Variants in ABHD17A observed in about 807,000 individuals in gnomAD.
ABHD17A encodes the protein alpha/beta hydrolase domain-containing protein 17A.
Under a neutral mutation model 26.8 loss-of-function variants are expected in ABHD17A, and 10 were observed. The ratio of observed to expected loss-of-function variants is 0.37; its 90% confidence interval spans 0.23 to 0.63. The LOEUF is 0.63. ABHD17A is among the 30% of genes least tolerant of loss of function. The probability of loss-of-function intolerance (pLI) is 0.61; values close to 1 mark genes in which losing one functional copy is unlikely to be tolerated. For synonymous variants in ABHD17A, 167 were observed against 210.9 expected, an observed-to-expected ratio of 0.79 and a Z score of 1.80; for missense variants, 292 against 457.3, an observed-to-expected ratio of 0.64 and a Z score of 3.30.
In ABHD17A at chr19:1,880,221, T is replaced by A; in HGVS notation, c.333-106A>T. ...CACCCCGGTGGCCAGCCATGCCCAG[T>A]GCCTCATTTACTCCCCTCCCAAGGG... On this transcript the variant is annotated intron_variant, in intron 2 of 4. Coordinates refer to ENST00000292577, the MANE Select transcript of ABHD17A (RefSeq NM_001130111.2). This position sits in a 1 kb window ranked among gnomAD's most constrained non-coding sequence, Gnocchi z 4.1. 8.1e-7 allele frequency: 1 copy of A among 1,227,824 alleles called. No individual in the cohort carries two copies. The highest frequency in any genetic ancestry group is 2.1e-5 in the Admixed American group (1 of 47,332). The allele number at this position is 1,227,824 out of a possible 1,614,324, so 76.1% of individuals were successfully genotyped here.
chr19:1,879,719 C>A lies in ABHD17A; in HGVS notation c.527+202G>T. The stretch of plus-strand genomic sequence containing the variant: ...CTCCACAGGCCAGGGTGTGGGAGGA[C>A]CGCCTGGCCACACCTCAGCCATGTG... On this transcript the variant is annotated intron_variant, in intron 3 of 4. Transcript: ENST00000292577. The surrounding 1 kb of genome is among the most constrained non-coding windows in gnomAD (Gnocchi z 7.6). 1.7e-6 allele frequency: 1 copy of A among 593,604 alleles called. No individual in the cohort carries two copies. 36.8% of individuals were successfully genotyped at this position (593,604 alleles called of 1,614,324 possible).
Position 1,877,047 on chromosome 19 carries a change from C to A in ABHD17A, c.*153G>T, listed in dbSNP as rs1406084688. On this transcript the variant is annotated 3_prime_UTR_variant, in exon 5 of 5. Transcript: ENST00000292577. ...CTTCCAAAAGGAAAGGAGTGCGTAG[C>A]TCTGTTGCCTGTACATCGTCCACAG... 2 of 600,472 alleles carry A rather than the reference C, an allele frequency of 3.3e-6. No homozygotes were observed. The highest frequency in any genetic ancestry group is 1.9e-5 in the African/African-American group (1 of 53,466). The allele number at this position is 600,472 out of a possible 1,614,324, so 37.2% of individuals were successfully genotyped here. A position where few individuals can be genotyped will look rare whatever the true frequency, so the allele number is the denominator to read the frequency against.
In ABHD17A at chr19:1,877,351, G is replaced by A; in HGVS notation, c.782C>T (p.Ser261Leu). 5 of 1,542,936 alleles carry A rather than the reference G, an allele frequency of 3.2e-6. No homozygotes were observed. Among genetic ancestry groups the A allele is most frequent in the South Asian group, 1.2e-5 (1 of 85,256 alleles). The change falls in exon 5 of 5, where the codon TCG (serine) becomes TTG (leucine). Residue 261 changes from serine (S) to leucine (L), a missense_variant. By Grantham distance (145) the Ser-to-Leu change is moderately radical. Around this residue, in one of 4 missense-constraint regions of ABHD17A, gnomAD observed 88 missense variants for 134.3 expected, o/e 0.66. Transcript: ENST00000292577. Reference protein sequence around the residue: ...HGTEDEVIDFSHGLALYERCP... With the variant: ...HGTEDEVIDFLHGLALYERCP... ...GCGCTCGTAGAGCGCCAGCCCGTGC[G>A]AGAAGTCGATCACCTCGTCCTCCGT...
rs764973504 is a variant in ABHD17A at position 1,880,983 on chromosome 19, T to A, written c.332+252A>T. On this transcript the variant is annotated intron_variant, in intron 2 of 4. Transcript: ENST00000292577. The surrounding 1 kb of genome is among the most constrained non-coding windows in gnomAD (Gnocchi z 4.1). The stretch of plus-strand genomic sequence containing the variant: ...CAGGCAACCACCAGGCGCTGGGTTG[T>A]TGGAGTCGCCCAGCCTGCCCACCCA... The A allele has an allele frequency of 6.2e-7, 1 of 1,612,448 alleles. No homozygotes were observed.
chr19:1,880,351 C>T lies in ABHD17A; in HGVS notation c.333-236G>A, dbSNP rs2012488679. On this transcript the variant is annotated intron_variant, in intron 2 of 4. Transcript: ENST00000292577. This position sits in a 1 kb window ranked among gnomAD's most constrained non-coding sequence, Gnocchi z 4.1. The stretch of plus-strand genomic sequence containing the variant: ...GGACAGCTGGCAGGGGGACAGGCAG[C>T]CTGGGCTGCAGAGGCCAGCCAGGGA... 6.6e-6 allele frequency among the ~76,000 whole-genome samples: 1 copy of T among 152,176 alleles called. No individual in the cohort carries two copies. Among genetic ancestry groups the T allele is most frequent in the Non-Finnish European group, 1.5e-5 (1 of 68,010 alleles).
In ABHD17A at chr19:1,881,407, C is replaced by T; in HGVS notation, c.160G>A (p.Gly54Arg). ...GPGGAGAAPL[G>R]TLRASSGAPG... ...GCGCCCGAGGAGGCTCTCAGGGTCC[C>T]CAAGGGGGCGGCCCCGGCCCCACCA... Residue 54 changes from glycine (G) to arginine (R), a missense_variant, in exon 2 of 5, where the codon GGG (glycine) becomes AGG (arginine). By Grantham distance (125) the Gly-to-Arg change is moderately radical. Transcript: ENST00000292577. 1 of 1,603,676 alleles carries T rather than the reference C, an allele frequency of 6.2e-7. No homozygotes were observed.
Position 1,877,341 on chromosome 19 carries a change from C to A in ABHD17A, c.792G>T (p.Leu264=). 1 of 1,536,580 alleles carries A rather than the reference C, an allele frequency of 6.5e-7. No individual in the cohort carries two copies. Among genetic ancestry groups the A allele is most frequent in the Non-Finnish European group, 8.7e-7 (1 of 1,147,696 alleles). Residue 264 remains leucine, a synonymous_variant, in exon 5 of 5, where the codon CTG becomes CTT. Transcript: ENST00000292577. The part of the protein sequence containing the change: ...EDEVIDFSHG[L]ALYERCPKAV... ...CCTTGGGGCAGCGCTCGTAGAGCGC[C>A]AGCCCGTGCGAGAAGTCGATCACCT...
In ABHD17A at chr19:1,877,481, G is replaced by T. The variant is rs1006459704; in HGVS notation, c.707+27C>A. Reference sequence around the variant, plus strand: ...TCGCGCCCGGCCCGGGCCCCGCCCCGCCCCCGTCCCCGCCCGGGCCGCTCA... The same window carrying T: ...TCGCGCCCGGCCCGGGCCCCGCCCCTCCCCCGTCCCCGCCCGGGCCGCTCA... On this transcript the variant is annotated intron_variant, in intron 4 of 4. Coordinates refer to ENST00000292577, the MANE Select transcript of ABHD17A (RefSeq NM_001130111.2). 6 of 1,580,026 alleles carry T rather than the reference G, an allele frequency of 3.8e-6. No homozygotes were observed. The African/African-American group carries it at 6.7e-5, about 18-fold the overall frequency.
At chr19:1,884,625 G>C (rs981438547) in intron 1 of ABHD17A, among the ~76,000 whole-genome samples, 3 of 152,142 alleles carry the variant, frequency 2.0e-5, no homozygotes, top group African/African-American at 4.8e-5. Flanking sequence ...GGCCATATCA[G>C]AGGGCAGACA....
In ABHD17A at chr19:1,879,959, A is replaced by G. The variant is rs1197168051; in HGVS notation, c.489T>C (p.Tyr163=). ...SSGRPSERNL[Y]ADIDAAWQAL... Reference sequence around the variant, plus strand: ...CCTGCCAGGCGGCGTCGATGTCGGCATAGAGGTTCCTCTCGGAAGGCCTGC... The same window carrying G: ...CCTGCCAGGCGGCGTCGATGTCGGCGTAGAGGTTCCTCTCGGAAGGCCTGC... The change falls in exon 3 of 5, where the codon TAT becomes TAC. Residue 163 remains tyrosine (Y), a synonymous_variant. Transcript: ENST00000292577. This position sits in a 1 kb window ranked among gnomAD's most constrained non-coding sequence, Gnocchi z 7.6. 5.6e-6 allele frequency: 9 copies of G among 1,612,872 alleles called. No individual in the cohort carries two copies. The highest frequency in any genetic ancestry group is 6.8e-6 in the Non-Finnish European group (8 of 1,179,954).
chr19:1,883,932 C>T (rs1322914772), intron 1 of ABHD17A: 4 of 152,742 alleles, frequency 2.6e-5, no homozygotes, highest in Non-Finnish European at 4.4e-5. Flanking sequence ...TCCAGACTCA[C>T]TCATCTCACA....
Position 1,880,127 on chromosome 19 carries a change from C to T in ABHD17A, c.333-12G>A, listed in dbSNP as rs2012482122. 4 of 1,612,320 alleles carry T rather than the reference C, an allele frequency of 2.5e-6. No homozygotes were observed. Among genetic ancestry groups the T allele is most frequent in the African/African-American group, 1.3e-5 (1 of 74,912 alleles). On this transcript the variant is annotated splice_polypyrimidine_tract_variant and intron_variant, in intron 2 of 4. Coordinates refer to ENST00000292577, the MANE Select transcript of ABHD17A (RefSeq NM_001130111.2). The surrounding 1 kb of genome is among the most constrained non-coding windows in gnomAD (Gnocchi z 4.1). Reference sequence around the variant, plus strand: ...AGAGGACCGTGTACCTGGGACAGGCCGAGAAGGGCCGTTCACATCCTCGCT... The same window carrying T: ...AGAGGACCGTGTACCTGGGACAGGCTGAGAAGGGCCGTTCACATCCTCGCT...
At chr19:1,881,190 C>G in intron 2 of ABHD17A, 45 bp downstream of exon 2, 1 of 1,607,348 alleles carries the variant, frequency 6.2e-7, no homozygotes, top group Non-Finnish European at 8.5e-7. Flanking sequence ...AACGGGAGCC[C>G]CAAGAACAGG....
chr19:1,880,782 G>A lies in ABHD17A; in HGVS notation c.332+453C>T. ...CTGCCCCAGGTGGTGCCAGGAGCAG[G>A]TGGCCAGGCTGGCCCTGCCATGGAC... On this transcript the variant is annotated intron_variant, in intron 2 of 4. Transcript: ENST00000292577. This position sits in a 1 kb window ranked among gnomAD's most constrained non-coding sequence, Gnocchi z 4.1. 4.1e-6 allele frequency: 6 copies of A among 1,460,788 alleles called. No homozygotes were observed. Among genetic ancestry groups the A allele is most frequent in the Non-Finnish European group, 5.6e-6 (6 of 1,080,142 alleles). 90.5% of individuals were successfully genotyped at this position (1,460,788 alleles called of 1,614,324 possible). A position where few individuals can be genotyped will look rare whatever the true frequency, so the allele number is the denominator to read the frequency against.
In ABHD17A at chr19:1,881,513, G is replaced by A. The variant is rs770366998; in HGVS notation, c.54C>T (p.Cys18=). The stretch of plus-strand genomic sequence containing the variant: ...CGAGCTTGGCAGCGATGCGGCCGGG[G>A]CAGGGCGGGCAGCAGAAGAGGCAGC... ...ELCCLFCCPP[C]PGRIAAKLAF... is the part of the protein sequence containing the mutation. The change falls in exon 2 of 5, where the codon TGC becomes TGT. Residue 18 remains cysteine (C), a synonymous_variant. Transcript: ENST00000292577. 1.4e-5 allele frequency: 23 copies of A among 1,604,002 alleles called. No individual in the cohort carries two copies. Among genetic ancestry groups the A allele is most frequent in the Admixed American group, 3.3e-5 (2 of 59,852 alleles).
rs367983262 is a variant in ABHD17A at position 1,881,005 on chromosome 19, C to T, written c.332+230G>A. 2.5e-5 allele frequency: 41 copies of T among 1,611,988 alleles called. No individual in the cohort carries two copies. The highest frequency in any genetic ancestry group is 3.3e-5 in the Non-Finnish European group (39 of 1,179,554). Reference sequence around the variant, plus strand: ...TTGTTGGAGTCGCCCAGCCTGCCCACCCATGCCAGCTGGGGATGGCCTCCC... The same window carrying T: ...TTGTTGGAGTCGCCCAGCCTGCCCATCCATGCCAGCTGGGGATGGCCTCCC... On this transcript the variant is annotated intron_variant, in intron 2 of 4. Transcript: ENST00000292577.
chr19:1,878,770 C>T (rs2012441541), intron 3 of ABHD17A: 1 of 152,472 alleles, frequency 6.6e-6, no homozygotes, highest in Non-Finnish European at 1.5e-5. Context: ...CTGAGCCAGC[C>T]CAGCCCTGCC....
rs1339090343 is a variant in ABHD17A at position 1,880,348 on chromosome 19, C to T, written c.333-233G>A. On this transcript the variant is annotated intron_variant, in intron 2 of 4. Transcript: ENST00000292577. This position sits in a 1 kb window ranked among gnomAD's most constrained non-coding sequence, Gnocchi z 4.1. The stretch of plus-strand genomic sequence containing the variant: ...ACAGGACAGCTGGCAGGGGGACAGG[C>T]AGCCTGGGCTGCAGAGGCCAGCCAG... Among the ~76,000 whole-genome samples, 1 of 152,180 alleles carries T rather than the reference C, an allele frequency of 6.6e-6. No individual in the cohort carries two copies. The highest frequency in any genetic ancestry group is 1.5e-5 in the Non-Finnish European group (1 of 68,012).
At chr19:1,883,655 G>A (rs1610108) in intron 1 of ABHD17A, 106,391 of 152,208 alleles carry the variant, frequency 0.7, 37,382 homozygotes, top group Middle Eastern at 0.83. Context: ...TCCATCACCA[G>A]CCCGGTGGCT....
Sources: gnomAD v4.1 joint callset for allele counts (sites outside exome capture counted in the v4.1 genomes callset) on GRCh38, gnomAD v4.1.1 for gene constraint, gnomAD v4.1.1 regional missense constraint, Gnocchi (gnomAD v3.1) non-coding constraint, MANE v1.5 for transcripts, NCBI Gene and HGNC (gene_info 2026-07-23, HGNC 2026-07-21) for gene names.